Variants in CDH5 observed in about 807,000 individuals in gnomAD.
CDH5 encodes the protein cadherin 5.
A neutral mutation model predicts 62.0 loss-of-function variants in CDH5; 28 were observed. The ratio of observed to expected loss-of-function variants is 0.45; its 90% CI spans 0.33 to 0.62. CDH5 has a LOEUF of 0.62. Among genes scored for constraint, CDH5 ranks in the 20% least tolerant of loss-of-function variants. The pLI is 0.02. For missense variants in CDH5, 940 were observed against 1,065.1 expected, an observed-to-expected ratio of 0.88 and a Z score of 1.63; for synonymous variants, 464 against 445.8, an observed-to-expected ratio of 1.04 and a Z score of -0.52.
chr16:66,367,514 G>A (rs991882983), intron 1 of CDH5, among the ~76,000 whole-genome samples: 15 of 152,244 alleles, frequency 9.9e-5, no homozygotes, highest in African/African-American at 3.6e-4. Flanking sequence ...AGAAGCAGGA[G>A]GTCTGGGCCA....
chr16:66,376,113 TAAA>T, intron 1 of CDH5, among the ~76,000 whole-genome samples: 1 of 42,870 alleles, frequency 2.3e-5, no homozygotes, highest in Non-Finnish European at 3.8e-5. Flanking sequence ...GAAAAAATAA[TAAA>T]TAAATAAATA....
intron 2 of CDH5, among the ~76,000 whole-genome samples, chr16:66,383,022 T>C (rs557250040): frequency 3.9e-5 from 6 of 152,176 alleles, no homozygotes; most frequent in African/African-American, 1.4e-4. Flanking sequence ...CATCTAATCA[T>C]GAGAGAAACA....
chr16:66,381,054 G>A (rs1245224406), intron 2 of CDH5, among the ~76,000 whole-genome samples: 4 of 152,098 alleles, frequency 2.6e-5, no homozygotes, highest in South Asian at 2.1e-4. Flanking sequence ...CAACCCTGCC[G>A]TGAAATTTTC....
At chr16:66,393,335 G>T (rs1363658854) in intron 7 of CDH5, among the ~76,000 whole-genome samples, 1 of 152,138 alleles carries the variant, frequency 6.6e-6, no homozygotes, top group Non-Finnish European at 1.5e-5. Context: ...CTCCTATAAA[G>T]AAATAGTTAA....
chr16:66,379,236 C>T (rs1277150202), intron 1 of CDH5, 83 bp from the exon 2 acceptor site: 1 of 987,998 alleles, frequency 1.0e-6, no homozygotes, highest in Non-Finnish European at 1.5e-6. Context: ...TTATATCTAG[C>T]TGCTCTTATG....
intron 1 of CDH5, among the ~76,000 whole-genome samples, chr16:66,370,474 G>A (rs563273581): frequency 2.9e-4 from 44 of 152,292 alleles, no homozygotes; most frequent in African/African-American, 9.4e-4. Context: ...ACCACCCTAC[G>A]TGTTGTCTGA....
At chr16:66,374,062 C>T (rs934090812) in intron 1 of CDH5, among the ~76,000 whole-genome samples, 2 of 152,184 alleles carry the variant, frequency 1.3e-5, no homozygotes, top group African/African-American at 4.8e-5. Flanking sequence ...CCACTGCCTC[C>T]GGCTATGTGA....
At chr16:66,372,962 C>G (rs1198935137) in intron 1 of CDH5, among the ~76,000 whole-genome samples, 1 of 152,194 alleles carries the variant, frequency 6.6e-6, no homozygotes, top group Non-Finnish European at 1.5e-5. Context: ...CGATAAGCAT[C>G]CTGGATGCCT....
intron 1 of CDH5, among the ~76,000 whole-genome samples, chr16:66,366,964 G>A (rs572701344): frequency 5.2e-4 from 79 of 152,374 alleles, no homozygotes; most frequent in Non-Finnish European, 1.0e-3. Flanking sequence ...GGCACAAATG[G>A]GCATCTCGGG....
chr16:66,370,174 A>G (rs1413255570), intron 1 of CDH5, among the ~76,000 whole-genome samples: 1 of 152,074 alleles, frequency 6.6e-6, no homozygotes, highest in Admixed American at 6.6e-5. Context: ...CTAATTTTGT[A>G]TTTTTAGTAG....
intron 2 of CDH5, among the ~76,000 whole-genome samples, chr16:66,386,132 C>A (rs1377152904): frequency 6.6e-6 from 1 of 152,206 alleles, no homozygotes; most frequent in Admixed American, 6.5e-5. Flanking sequence ...CTTCCAATGG[C>A]ACCAGGTATA....
intron 1 of CDH5, among the ~76,000 whole-genome samples, chr16:66,374,616 C>G (rs1413428304): frequency 1.3e-5 from 2 of 152,014 alleles, no homozygotes; most frequent in Non-Finnish European, 2.9e-5. Flanking sequence ...AATGTCCCCC[C>G]AGGAGCCACG....
chr16:66,401,246 C>A (rs569469739), intron 11 of CDH5, among the ~76,000 whole-genome samples: 1 of 152,288 alleles, frequency 6.6e-6, no homozygotes, highest in East Asian at 1.9e-4. Flanking sequence ...GGGGGTGGGA[C>A]TCAGGACTCC....
chr16:66,401,207 C>T (rs567175605), intron 11 of CDH5, among the ~76,000 whole-genome samples, 191 bp downstream of exon 11: 8 of 152,264 alleles, frequency 5.3e-5, no homozygotes, highest in Non-Finnish European at 1.0e-4. Context: ...CCTGGGTGCT[C>T]ACGGTGGGGG....
rs1176797482 is a variant in CDH5 at position 66,392,353 on chromosome 16, T to C, written c.1187T>C (p.Met396Thr). Reference protein sequence around the residue: ...KKPLIGTVLAMDPDAARHSIG... With the variant: ...KKPLIGTVLATDPDAARHSIG... ...CCTCTGATTGGCACAGTGCTGGCCA[T>C]GGACCCTGATGCGGCTAGGCATAGC... Residue 396 changes from methionine (M) to threonine (T), a missense_variant, in exon 7 of 12, where the codon ATG becomes ACG. Met to Thr is a moderately conservative substitution (Grantham distance 81, BLOSUM62 -1). Coordinates refer to ENST00000341529, the MANE Select transcript of CDH5 (RefSeq NM_001795.5). 1.9e-6 allele frequency: 3 copies of C among 1,614,186 alleles called. No homozygotes were observed. The highest frequency in any genetic ancestry group is 1.7e-5 in the Admixed American group (1 of 60,022).
chr16:66,370,447 C>CTT (rs1960666781), intron 1 of CDH5, among the ~76,000 whole-genome samples: 1 of 152,218 alleles, frequency 6.6e-6, no homozygotes, highest in African/African-American at 2.4e-5. Context: ...GTTATACCAA[C>CTT]AATTGTACCT....
chr16:66,392,267 C>A lies in CDH5; in HGVS notation c.1101C>A (p.Asp367Glu). 1.9e-6 allele frequency: 3 copies of A among 1,614,116 alleles called. No individual in the cohort carries two copies. In the South Asian group the frequency reaches 3.3e-5, roughly 18 times the overall value. ...TCATTATCAACATCACAGATGTGGA[C>A]GAGCCCCCCATTTTCCAGCAGCCTT... is the stretch of plus-strand genomic sequence containing the variant. The part of the protein sequence containing the change: ...AQVIINITDV[D>E]EPPIFQQPFY... The change falls in exon 7 of 12, where the codon GAC becomes GAA. Residue 367 changes from aspartate to glutamate, a missense_variant. Coordinates refer to ENST00000341529, the MANE Select transcript of CDH5 (RefSeq NM_001795.5).
At chr16:66,397,517 G>C (rs1274149864) in intron 8 of CDH5, among the ~76,000 whole-genome samples, 1 of 151,992 alleles carries the variant, frequency 6.6e-6, no homozygotes, top group Non-Finnish European at 1.5e-5. Flanking sequence ...CACAGCACCT[G>C]GCCTTAAAAT....
chr16:66,369,299 A>C (rs985256491), intron 1 of CDH5, among the ~76,000 whole-genome samples: 1 of 152,176 alleles, frequency 6.6e-6, no homozygotes, highest in African/African-American at 2.4e-5. Context: ...AATGAGGTCA[A>C]GCGTAAGTTG....
Sources: gnomAD v4.1 joint callset for allele counts (sites outside exome capture counted in the v4.1 genomes callset) on GRCh38, gnomAD v4.1.1 for gene constraint, MANE v1.5 for transcripts, NCBI Gene and HGNC (gene_info 2026-07-23, HGNC 2026-07-21) for gene names.